ANKRD13C: variants seen among roughly 807,000 people sequenced by gnomAD.
The protein encoded by ANKRD13C is ankyrin repeat domain-containing protein 13C.
Under a neutral mutation model 65.5 loss-of-function variants are expected in ANKRD13C, and 16 were observed. That is an observed-to-expected ratio of 0.24 (90% CI 0.17 to 0.37). ANKRD13C has a LOEUF of 0.37. ANKRD13C is among the 10% of genes least tolerant of loss of function. The pLI is 1.00. For synonymous variants in ANKRD13C, 235 were observed against 238.7 expected (o/e 0.98, Z 0.14); for missense variants, 503 against 655.9 (o/e 0.77, Z 2.55).
chr1:70,349,420 T>TA (rs1475295185), intron 1 of ANKRD13C, among the ~76,000 whole-genome samples: 1 of 152,114 alleles, frequency 6.6e-6, no homozygotes, highest in African/African-American at 2.4e-5. Context: ...CATGATTTTA[T>TA]AGCTGTTACT....
chr1:70,316,469 G>A (rs1480184282), intron 3 of ANKRD13C, among the ~76,000 whole-genome samples: 1 of 151,424 alleles, frequency 6.6e-6, no homozygotes, highest in African/African-American at 2.4e-5. Flanking sequence ...GATCACTTGA[G>A]CTCAGGAGTT....
At position 70,274,706 on chromosome 1, in the gene ANKRD13C, A is replaced by G. The variant is rs1260467964; in HGVS notation, c.1394+14T>C. The G allele has an allele frequency of 2.6e-6, 4 of 1,557,060 alleles. No individual in the cohort carries two copies. The East Asian group carries it at 6.7e-5, about 26-fold the overall frequency. On this transcript the variant is annotated intron_variant, in intron 11 of 12. Coordinates refer to ENST00000370944, the MANE Select transcript of ANKRD13C (RefSeq NM_030816.5). ...GTTTCTTTCATAAACATTTGTAGTT[A>G]GTAACAAACTTACAACTCTATCCCT...
chr1:70,271,549 G>A (rs1359480520), intron 11 of ANKRD13C, among the ~76,000 whole-genome samples: 1 of 152,064 alleles, frequency 6.6e-6, no homozygotes, highest in Non-Finnish European at 1.5e-5. Flanking sequence ...AATATCTTCA[G>A]TTGCCTCCAT....
At chr1:70,340,294 T>C (rs941577478) in intron 1 of ANKRD13C, among the ~76,000 whole-genome samples, 2 of 152,204 alleles carry the variant, frequency 1.3e-5, no homozygotes, top group African/African-American at 4.8e-5. Flanking sequence ...CTTAAAATTG[T>C]TCTTCTAATT....
chr1:70,263,803 T>A (rs1263931337), intron 12 of ANKRD13C, among the ~76,000 whole-genome samples: 2 of 152,016 alleles, frequency 1.3e-5, no homozygotes, highest in East Asian at 1.9e-4. Context: ...ATAATAATAA[T>A]AAATCATTTT....
chr1:70,351,457 C>T (rs924242235), intron 1 of ANKRD13C, among the ~76,000 whole-genome samples: 6 of 152,028 alleles, frequency 3.9e-5, no homozygotes, highest in South Asian at 4.1e-4. Context: ...TGGAGTGCAA[C>T]GGTGCGATCT....
rs543851701 is a variant in ANKRD13C at position 70,271,332 on chromosome 1, A to G, written c.1395-376T>C. Among the ~76,000 whole-genome samples, 123 of 152,290 alleles carry G rather than the reference A, an allele frequency of 8.1e-4. 1 individual carries two copies. Among genetic ancestry groups the G allele is most frequent in the South Asian group, 1.0e-3 (5 of 4,824 alleles). On this transcript the variant is annotated intron_variant, in intron 11 of 12. Coordinates refer to ENST00000370944, the MANE Select transcript of ANKRD13C (RefSeq NM_030816.5). ...GATTGCTTCTTATCTTTAAAGGGAA[A>G]CTTGACTCACATAAAATTTCAGGTT...
At chr1:70,274,136 T>A (rs1396515148) in intron 11 of ANKRD13C, among the ~76,000 whole-genome samples, 2 of 152,180 alleles carry the variant, frequency 1.3e-5, no homozygotes, top group Non-Finnish European at 2.9e-5. Context: ...ACTTTTGGAT[T>A]TTTTTAAAAC....
chr1:70,319,720 C>CA (rs959954654), intron 3 of ANKRD13C, among the ~76,000 whole-genome samples: 15 of 151,526 alleles, frequency 9.9e-5, no homozygotes, highest in Non-Finnish European at 1.8e-4. Flanking sequence ...TGCCTTTACC[C>CA]ACCTTTTTAA....
chr1:70,263,759 T>C (rs530697833), intron 12 of ANKRD13C, among the ~76,000 whole-genome samples: 26 of 152,190 alleles, frequency 1.7e-4, no homozygotes, highest in Middle Eastern at 3.4e-3. Context: ...AAAACCAGCA[T>C]GGGCAACATA....
chr1:70,323,264 TA>T (rs1191229538), intron 3 of ANKRD13C, among the ~76,000 whole-genome samples: 12 of 148,840 alleles, frequency 8.1e-5, no homozygotes, highest in Non-Finnish European at 1.3e-4. Context: ...GTATAACAAA[TA>T]AAAAAAAAAT....
chr1:70,303,238 C>T (rs920085197), intron 6 of ANKRD13C, among the ~76,000 whole-genome samples: 4 of 152,112 alleles, frequency 2.6e-5, no homozygotes, highest in African/African-American at 9.7e-5. Flanking sequence ...TCACATATGC[C>T]TCAGTAAATA....
At chr1:70,288,161 A>G (rs1262602505) in intron 9 of ANKRD13C, among the ~76,000 whole-genome samples, 2 of 152,258 alleles carry the variant, frequency 1.3e-5, no homozygotes, top group Non-Finnish European at 2.9e-5. Context: ...ATTCAATATC[A>G]TTAGCCATTA....
chr1:70,307,991 A>G (rs956080343), intron 5 of ANKRD13C, among the ~76,000 whole-genome samples: 1 of 152,174 alleles, frequency 6.6e-6, no homozygotes, highest in Non-Finnish European at 1.5e-5. Context: ...CTTTTTTGAA[A>G]CAAAAATTGA....
intron 3 of ANKRD13C, among the ~76,000 whole-genome samples, chr1:70,317,986 A>G (rs1201676456): frequency 6.6e-6 from 1 of 152,208 alleles, no homozygotes; most frequent in Non-Finnish European, 1.5e-5. Flanking sequence ...GAAGGCATTC[A>G]ATAAATAACG....
chr1:70,276,943 A>C, intron 9 of ANKRD13C, 99 bp from the exon 10 acceptor site: 4 of 954,398 alleles, frequency 4.2e-6, no homozygotes, highest in Non-Finnish European at 6.2e-6. Context: ...ATTAAAACTA[A>C]CAATCTACTT....
intron 12 of ANKRD13C, among the ~76,000 whole-genome samples, chr1:70,267,521 G>A (rs999685402): frequency 1.2e-4 from 18 of 152,068 alleles, no homozygotes; most frequent in African/African-American, 3.9e-4. Flanking sequence ...TTACAGGGAT[G>A]AGCCACTGCA....
chr1:70,321,599 TAA>T (rs1168058230), intron 3 of ANKRD13C, among the ~76,000 whole-genome samples: 2 of 151,888 alleles, frequency 1.3e-5, no homozygotes, highest in African/African-American at 4.8e-5. Context: ...CCAGAGTGCA[TAA>T]AGAAACCAGA....
chr1:70,286,763 A>G (rs984134634), intron 9 of ANKRD13C, among the ~76,000 whole-genome samples: 1 of 152,226 alleles, frequency 6.6e-6, no homozygotes, highest in African/African-American at 2.4e-5. Context: ...AGGCAGGCAG[A>G]TGACCTGAGG....
Sources: allele counts gnomAD v4.1 joint callset (sites outside exome capture counted in the v4.1 genomes callset), GRCh38; gene constraint gnomAD v4.1.1; transcripts MANE v1.5; gene names NCBI Gene and HGNC (gene_info 2026-07-23, HGNC 2026-07-21).